Variants in KCTD16 observed in about 807,000 individuals in gnomAD.
KCTD16 encodes potassium channel tetramerization domain containing 16.
KCTD16 carries 13 observed loss-of-function variants against 33.2 expected under a neutral mutation model. That is an observed-to-expected ratio of 0.39 (90% CI 0.25 to 0.62). KCTD16 has a LOEUF of 0.62. KCTD16 is among the 20% of genes least tolerant of loss of function. The probability of loss-of-function intolerance (pLI) is 0.50; values close to 1 mark genes in which losing one functional copy is unlikely to be tolerated. For missense variants in KCTD16, 441 were observed against 525.1 expected (o/e 0.84, Z 1.57); for synonymous variants, 197 against 195.3 (o/e 1.01, Z -0.07).
chr5:144,269,618 A>G (rs550041639), intron 3 of KCTD16, among the ~76,000 whole-genome samples: 1 of 152,244 alleles, frequency 6.6e-6, no homozygotes, highest in East Asian at 1.9e-4. Flanking sequence ...AAGTGAAGTT[A>G]AAGGACAGCA....
chr5:144,473,952 A>G lies in KCTD16; in HGVS notation c.1125A>G (p.Glu375=), dbSNP rs765700501. ...GGACTCTGACTTCAGGCTCCAGGGA[A>G]TCGAACATGAGCAGCAAAAAAAAAG... ...LLRTLTSGSR[E]SNMSSKKKAV... is the part of the protein sequence containing the mutation. Residue 375 remains glutamate (E), a synonymous_variant, in exon 4 of 4, where the codon GAA becomes GAG. Transcript: ENST00000512467. 1.9e-6 allele frequency: 3 copies of G among 1,614,048 alleles called. No individual in the cohort carries two copies. Among genetic ancestry groups the G allele is most frequent in the South Asian group, 2.2e-5 (2 of 91,074 alleles).
chr5:144,389,746 G>A (rs1197154128), intron 3 of KCTD16, among the ~76,000 whole-genome samples: 1 of 152,120 alleles, frequency 6.6e-6, no homozygotes, highest in Non-Finnish European at 1.5e-5. Flanking sequence ...GTAAGGAACG[G>A]CAAGAAGAAT....
intron 3 of KCTD16, among the ~76,000 whole-genome samples, chr5:144,225,830 A>G (rs150438323): frequency 0.012 from 1,868 of 152,230 alleles, 38 homozygotes; most frequent in African/African-American, 0.043. Context: ...GCATTTGGGG[A>G]GAGTTATTTG....
chr5:144,232,487 C>A (rs139127492), intron 3 of KCTD16, among the ~76,000 whole-genome samples: 2 of 152,300 alleles, frequency 1.3e-5, no homozygotes, highest in East Asian at 1.9e-4. Flanking sequence ...GAATTTAAAC[C>A]TGAGCTGTGT....
chr5:144,259,681 G>T (rs9324947), intron 3 of KCTD16, among the ~76,000 whole-genome samples: 33,284 of 152,114 alleles, frequency 0.22, 4,038 homozygotes, highest in Non-Finnish European at 0.28. Context: ...GGATGCTCAG[G>T]AAATGTTTGA....
At chr5:144,231,699 G>A (rs1754108542) in intron 3 of KCTD16, among the ~76,000 whole-genome samples, 2 of 152,126 alleles carry the variant, frequency 1.3e-5, no homozygotes, top group Admixed American at 6.6e-5. Flanking sequence ...GAATTTTCAC[G>A]AGATCTGATG....
chr5:144,478,834 G>A lies in KCTD16; in HGVS notation c.*4720G>A, dbSNP rs1754646927. On this transcript the variant is annotated 3_prime_UTR_variant, in exon 4 of 4. Coordinates refer to ENST00000512467, the MANE Select transcript of KCTD16 (RefSeq NM_020768.4). The stretch of plus-strand genomic sequence containing the variant: ...CCCAAAGAAAAATATCCTAAGACTA[G>A]GGCAGAATAGATTTTCATGAATTCT... 1 of 151,884 alleles carries A rather than the reference G, an allele frequency of 6.6e-6. No individual in the cohort carries two copies. Among genetic ancestry groups the A allele is most frequent in the Non-Finnish European group, 1.5e-5 (1 of 67,918 alleles). The allele number at this position is 151,884 out of a possible 1,614,324, so 9.4% of individuals were successfully genotyped here.
chr5:144,292,136 A>G (rs983625875), intron 3 of KCTD16, among the ~76,000 whole-genome samples: 1 of 152,184 alleles, frequency 6.6e-6, no homozygotes, highest in African/African-American at 2.4e-5. Context: ...TGCTGAAGGG[A>G]TATTTGGCAC....
chr5:144,263,905 T>C (rs1326142223), intron 3 of KCTD16, among the ~76,000 whole-genome samples: 1 of 152,220 alleles, frequency 6.6e-6, no homozygotes. Flanking sequence ...TATCCTCACA[T>C]GATGAAGAAG....
chr5:144,447,378 A>G (rs921162221), intron 3 of KCTD16, among the ~76,000 whole-genome samples: 18 of 152,192 alleles, frequency 1.2e-4, no homozygotes, highest in Admixed American at 6.5e-4. Flanking sequence ...GGGCACAGGG[A>G]GCGGAACATC....
Position 144,284,830 on chromosome 5 carries a change from A to G in KCTD16, c.832+77284A>G, listed in dbSNP as rs76636828. ...AATTTGGAAGAAAAGGAGATTGGGCATTTCTAAAGTTATGGAAGCCTCTTT... is the reference window on the plus strand; with the variant it reads ...AATTTGGAAGAAAAGGAGATTGGGCGTTTCTAAAGTTATGGAAGCCTCTTT... On this transcript the variant is annotated intron_variant, in intron 3 of 3. Coordinates refer to ENST00000512467, the MANE Select transcript of KCTD16 (RefSeq NM_020768.4). 2.0e-3 allele frequency among the ~76,000 whole-genome samples: 308 copies of G among 152,328 alleles called. 8 individuals carry two copies. In the East Asian group the frequency reaches 0.048, roughly 24 times the overall value.
At chr5:144,455,074 A>G (rs2126987690) in intron 3 of KCTD16, among the ~76,000 whole-genome samples, 1 of 152,098 alleles carries the variant, frequency 6.6e-6, no homozygotes, top group Admixed American at 6.6e-5. Context: ...AGAAAGCCCC[A>G]GGGGGTCACA....
intron 3 of KCTD16, among the ~76,000 whole-genome samples, chr5:144,418,721 T>C (rs1211666416): frequency 2.6e-5 from 4 of 152,192 alleles, no homozygotes; most frequent in Non-Finnish European, 5.9e-5. Context: ...TTAACAAGTG[T>C]GGAAGTTATG....
At chr5:144,456,392 C>G (rs1052731823) in intron 3 of KCTD16, among the ~76,000 whole-genome samples, 2 of 152,152 alleles carry the variant, frequency 1.3e-5, no homozygotes, top group African/African-American at 4.8e-5. Flanking sequence ...TCTCTCAGCT[C>G]ACTAAGCTAT....
At chr5:144,278,450 C>T (rs1308870544) in intron 3 of KCTD16, among the ~76,000 whole-genome samples, 4 of 146,850 alleles carry the variant, frequency 2.7e-5, no homozygotes, top group Non-Finnish European at 6.0e-5. Context: ...TCTTATTTTT[C>T]AAAATTGTTT....
At chr5:144,417,310 T>C (rs1248719270) in intron 3 of KCTD16, among the ~76,000 whole-genome samples, 3 of 152,096 alleles carry the variant, frequency 2.0e-5, no homozygotes, top group Non-Finnish European at 2.9e-5. Flanking sequence ...ATTATACTTA[T>C]ATTAGTGGAT....
chr5:144,285,158 A>G (rs902510315), intron 3 of KCTD16, among the ~76,000 whole-genome samples: 28 of 152,360 alleles, frequency 1.8e-4, no homozygotes, highest in Non-Finnish European at 3.4e-4. Context: ...CTGAGAACCA[A>G]GAAAGAGACC....
intron 3 of KCTD16, among the ~76,000 whole-genome samples, chr5:144,453,602 AAAT>A (rs1374175009): frequency 6.6e-6 from 1 of 152,202 alleles, no homozygotes; most frequent in Non-Finnish European, 1.5e-5. Context: ...CAAATAGAAG[AAAT>A]AATTATTTAT....
chr5:144,267,572 A>T (rs1270185089), intron 3 of KCTD16, among the ~76,000 whole-genome samples: 1 of 152,124 alleles, frequency 6.6e-6, no homozygotes, highest in Non-Finnish European at 1.5e-5. Flanking sequence ...CTGTGGCTTT[A>T]TCCATTTTTT....
Sources: gnomAD v4.1 joint callset for allele counts (sites outside exome capture counted in the v4.1 genomes callset) on GRCh38, gnomAD v4.1.1 for gene constraint, MANE v1.5 for transcripts, NCBI Gene and HGNC (gene_info 2026-07-23, HGNC 2026-07-21) for gene names.